CSMD1: variants seen among roughly 807,000 people sequenced by gnomAD.
CSMD1 encodes the protein CUB and Sushi multiple domains 1, also known as CUB and sushi domain-containing protein 1.
A neutral mutation model predicts 417.5 loss-of-function variants in CSMD1; 213 were observed. The ratio of observed to expected loss-of-function variants is 0.51; its 90% confidence interval spans 0.46 to 0.57. The LOEUF is 0.57. CSMD1 is among the 20% of genes least tolerant of loss of function. The pLI is 0.00. For missense variants in CSMD1, 6,923 were observed against 4,529.7 expected (o/e 1.53, Z -15.17); for synonymous variants, 2,862 against 1,736.8 (o/e 1.65, Z -16.11).
In CSMD1 at chr8:4,056,636, T is replaced by G. The variant is rs180883939; in HGVS notation, c.416-24537A>C. Among the ~76,000 whole-genome samples the G allele has an allele frequency of 2.9e-3, 445 of 152,038 alleles. 3 individuals carry two copies. Among genetic ancestry groups the G allele is most frequent in the African/African-American group, 0.01 (425 of 41,470 alleles). On this transcript the variant is annotated intron_variant, in intron 3 of 69. Coordinates refer to ENST00000635120, the MANE Select transcript of CSMD1 (RefSeq NM_033225.6). ...TGCCATGCTGGGGTCCTGCACCCAT[T>G]AACTCATCATTTAGCATTAGGTATA...
chr8:2,940,190 T>C (rs1200857902), intron 69 of CSMD1, among the ~76,000 whole-genome samples: 2 of 152,160 alleles, frequency 1.3e-5, no homozygotes, highest in Non-Finnish European at 2.9e-5. Flanking sequence ...GACCAGGTGG[T>C]GAGAACTTGA....
At chr8:3,281,051 A>T (rs541271890) in intron 26 of CSMD1, among the ~76,000 whole-genome samples, 1 of 152,314 alleles carries the variant, frequency 6.6e-6, no homozygotes, top group South Asian at 2.1e-4. Flanking sequence ...TGAACTGAAA[A>T]CTTACGTCCA....
rs1183420918 is a variant in CSMD1 at position 3,792,526 on chromosome 8, C to A, written c.819-38484G>T. 2.6e-5 allele frequency among the ~76,000 whole-genome samples: 4 copies of A among 152,260 alleles called. No individual in the cohort carries two copies. The South Asian group carries it at 8.3e-4, about 32-fold the overall frequency. ...TCGCTGATTACTGTCAATTATCTCA[C>A]AATTGATTTATTTTTCAGACTAGTA... On this transcript the variant is annotated intron_variant, in intron 5 of 69. Transcript: ENST00000635120.
In CSMD1 at chr8:4,267,445, G is replaced by C. The variant is rs1256517102; in HGVS notation, c.415+152508C>G. 6.7e-5 allele frequency among the ~76,000 whole-genome samples: 3 copies of C among 44,628 alleles called. 1 individual carries two copies. Among genetic ancestry groups the C allele is most frequent in the Admixed American group, 6.6e-4 (3 of 4,568 alleles). The allele number at this position is 44,628 out of a possible 152,430, so 29.3% of individuals were successfully genotyped here. ...AAGCTTCTACAGCAGAGTAAAAATAGTTTAAATAATATATAATGAATATAA... is the reference window on the plus strand; with the variant it reads ...AAGCTTCTACAGCAGAGTAAAAATACTTTAAATAATATATAATGAATATAA... On this transcript the variant is annotated intron_variant, in intron 3 of 69. Transcript: ENST00000635120.
Position 4,716,163 on chromosome 8 carries a change from C to T in CSMD1, c.86-78605G>A, listed in dbSNP as rs752436488. The stretch of plus-strand genomic sequence containing the variant: ...GGTGAGCCAGGCTGACTTCACACTT[C>T]AGCGAGGAATCCCCCTGAGCAGGCG... On this transcript the variant is annotated intron_variant, in intron 1 of 69. Coordinates refer to ENST00000635120, the MANE Select transcript of CSMD1 (RefSeq NM_033225.6). Among the ~76,000 whole-genome samples the T allele has an allele frequency of 2.0e-4, 30 of 152,154 alleles. 1 individual carries two copies. The highest frequency in any genetic ancestry group is 5.9e-5 in the Non-Finnish European group (4 of 68,026).
intron 6 of CSMD1, among the ~76,000 whole-genome samples, chr8:3,725,150 G>C (rs1159895206): frequency 3.3e-5 from 5 of 152,160 alleles, no homozygotes; most frequent in African/African-American, 1.2e-4. Flanking sequence ...ATAGGAAAGG[G>C]ACTAAAGGAG....
At chr8:4,367,037 C>G (rs751401519) in intron 3 of CSMD1, among the ~76,000 whole-genome samples, 5 of 152,228 alleles carry the variant, frequency 3.3e-5, no homozygotes, top group Non-Finnish European at 5.9e-5. Context: ...TGTGCAGAAG[C>G]TTCTTAGTTT....
chr8:4,222,484 A>G (rs1253157248), intron 3 of CSMD1, among the ~76,000 whole-genome samples: 1 of 152,206 alleles, frequency 6.6e-6, no homozygotes, highest in African/African-American at 2.4e-5. Context: ...TCAGTAAGTC[A>G]GTCAATAATA....
intron 3 of CSMD1, among the ~76,000 whole-genome samples, chr8:4,146,620 T>C (rs1462992113): frequency 8.5e-6 from 1 of 117,472 alleles, no homozygotes; most frequent in African/African-American, 3.7e-5. Context: ...TTTTTTTTTT[T>C]TTTTTTTTTG....
chr8:3,252,996 A>T (rs1800387841), intron 26 of CSMD1, among the ~76,000 whole-genome samples: 1 of 152,056 alleles, frequency 6.6e-6, no homozygotes. Flanking sequence ...AATTTTGTTG[A>T]TCTTTTCAAA....
At chr8:3,961,833 G>T (rs12334306) in intron 5 of CSMD1, among the ~76,000 whole-genome samples, 1 of 152,146 alleles carries the variant, frequency 6.6e-6, no homozygotes, top group African/African-American at 2.4e-5. Context: ...AAATAAATAA[G>T]GCAGCATCAT....
At chr8:4,491,804 C>A (rs1468857789) in intron 2 of CSMD1, among the ~76,000 whole-genome samples, 1 of 152,148 alleles carries the variant, frequency 6.6e-6, no homozygotes, top group African/African-American at 2.4e-5. Flanking sequence ...CGTTGGCAGA[C>A]AAGTGGCAGT....
At chr8:3,793,975 C>T (rs979649919) in intron 5 of CSMD1, among the ~76,000 whole-genome samples, 2 of 152,168 alleles carry the variant, frequency 1.3e-5, no homozygotes, top group Non-Finnish European at 2.9e-5. Context: ...ATAAATGGTT[C>T]TTCTGCTTTC....
intron 1 of CSMD1, among the ~76,000 whole-genome samples, chr8:4,709,751 T>C (rs80327353): frequency 0.031 from 4,714 of 152,152 alleles, 235 homozygotes; most frequent in African/African-American, 0.11. Context: ...GTGAGCTCCA[T>C]CAGTGCGTCC....
chr8:3,508,057 G>T (rs1040445737), intron 10 of CSMD1, among the ~76,000 whole-genome samples: 3 of 152,054 alleles, frequency 2.0e-5, no homozygotes, highest in African/African-American at 7.2e-5. Context: ...ATTGCTTTTG[G>T]TGTTTTAGAC....
intron 1 of CSMD1, among the ~76,000 whole-genome samples, chr8:4,805,942 C>A (rs548702232): frequency 3.3e-5 from 5 of 152,222 alleles, no homozygotes; most frequent in African/African-American, 4.8e-5. Flanking sequence ...TAAACCTGAG[C>A]CTTTGCTAGA....
At chr8:4,787,772 G>A (rs1044321819) in intron 1 of CSMD1, 14 of 1,581,038 alleles carry the variant, frequency 8.9e-6, no homozygotes, top group Non-Finnish European at 1.0e-5. Context: ...TGCTTCGCTG[G>A]ACTTGTTACA....
intron 5 of CSMD1, among the ~76,000 whole-genome samples, chr8:3,995,335 CTTCTT>C (rs1172125578): frequency 6.6e-6 from 1 of 152,142 alleles, no homozygotes; most frequent in Non-Finnish European, 1.5e-5. Flanking sequence ...TGTTAAGATA[CTTCTT>C]TTGACTATTA....
chr8:4,672,368 A>G (rs907916689), intron 1 of CSMD1, among the ~76,000 whole-genome samples: 2 of 152,168 alleles, frequency 1.3e-5, no homozygotes, highest in African/African-American at 4.8e-5. Flanking sequence ...AGTAACTGTA[A>G]AGAGACTTAG....
Sources: allele counts gnomAD v4.1 joint callset (sites outside exome capture counted in the v4.1 genomes callset), GRCh38; gene constraint gnomAD v4.1.1; transcripts MANE v1.5; gene names NCBI Gene and HGNC (gene_info 2026-07-23, HGNC 2026-07-21).